TSPAN7: variants seen among roughly 807,000 people sequenced by gnomAD.
TSPAN7 encodes tetraspanin 7, also known as tetraspanin-7.
Under a neutral mutation model 17.6 loss-of-function variants are expected in TSPAN7, and 1 was observed. That is an observed-to-expected ratio of 0.06 (90% CI 0.02 to 0.27). TSPAN7 has a LOEUF of 0.27. Among genes scored for constraint, TSPAN7 ranks in the 10% least tolerant of loss-of-function variants. The pLI is 1.00. For missense variants in TSPAN7, 112 were observed against 201.7 expected (o/e 0.56, Z 2.69); for synonymous variants, 78 against 79.0 (o/e 0.99, Z 0.07).
At chrX:38,565,753 T>C (rs1298969639) in intron 1 of TSPAN7, among the ~76,000 whole-genome samples, 1 of 112,010 alleles carries the variant, frequency 8.9e-6, no homozygotes, top group Non-Finnish European at 1.9e-5. Flanking sequence ...AAAGAGAGAT[T>C]ATTGTTTTAT....
intron 6 of TSPAN7, among the ~76,000 whole-genome samples, chrX:38,682,341 C>T (rs922300698): frequency 8.9e-6 from 1 of 112,026 alleles, no homozygotes; most frequent in African/African-American, 3.2e-5. Flanking sequence ...AATTTTATTC[C>T]AGTTTGTTCC....
At position 38,687,935 on chromosome X, in the gene TSPAN7, T is replaced by C. The variant is rs748588376; in HGVS notation, c.*8-4T>C. ...TCACTCACATGTTCTCATTTCTCTCTTAGTCTTTCAAGAATGACGGAATAA... is the reference window on the plus strand; with the variant it reads ...TCACTCACATGTTCTCATTTCTCTCCTAGTCTTTCAAGAATGACGGAATAA... On this transcript the variant is annotated splice_polypyrimidine_tract_variant and splice_region_variant and intron_variant, in intron 7 of 7. Transcript: ENST00000378482. 2.1e-5 allele frequency: 6 copies of C among 282,164 alleles called. No homozygotes were observed. The highest frequency in any genetic ancestry group is 3.1e-5 in the Non-Finnish European group (5 of 161,165). The allele number at this position is 282,164 out of a possible 1,213,427, so 23.3% of individuals were successfully genotyped here. A position where few individuals can be genotyped will look rare whatever the true frequency, so the allele number is the denominator to read the frequency against.
chrX:38,652,388 A>G (rs1327903786), intron 1 of TSPAN7, among the ~76,000 whole-genome samples: 2 of 111,841 alleles, frequency 1.8e-5, no homozygotes, highest in Non-Finnish European at 3.8e-5. Context: ...TTGCATCCAG[A>G]GTCTCTATGG....
chrX:38,591,885 T>A (rs367555923), intron 1 of TSPAN7, among the ~76,000 whole-genome samples: 4 of 112,276 alleles, frequency 3.6e-5, no homozygotes, highest in African/African-American at 1.3e-4. Context: ...GTTATCGCAC[T>A]GCTATAAAGA....
chrX:38,654,763 T>C (rs770205306), intron 1 of TSPAN7, among the ~76,000 whole-genome samples: 2 of 112,461 alleles, frequency 1.8e-5, no homozygotes, highest in South Asian at 7.3e-4. Flanking sequence ...CTCACAGAAC[T>C]TAACATTCAT....
chrX:38,594,834 GT>G (rs1190225455), intron 1 of TSPAN7, among the ~76,000 whole-genome samples: 1 of 111,783 alleles, frequency 8.9e-6, no homozygotes, highest in Non-Finnish European at 1.9e-5. Flanking sequence ...ATCGCTCAGA[GT>G]TACCATTTTG....
intron 1 of TSPAN7, among the ~76,000 whole-genome samples, chrX:38,591,413 A>T (rs757407329): frequency 1.1e-4 from 12 of 111,749 alleles, no homozygotes; most frequent in Non-Finnish European, 2.3e-4. Flanking sequence ...TGAATCCTTT[A>T]CAGATTTATT....
At chrX:38,636,021 C>A (rs780651110) in intron 1 of TSPAN7, among the ~76,000 whole-genome samples, 1 of 111,148 alleles carries the variant, frequency 9.0e-6, no homozygotes, top group East Asian at 2.8e-4. Context: ...AAAAGTCCTT[C>A]TTTGTAGCCC....
chrX:38,662,954 G>A (rs1219702242), intron 1 of TSPAN7, among the ~76,000 whole-genome samples: 2 of 110,102 alleles, frequency 1.8e-5, no homozygotes, highest in African/African-American at 6.6e-5. Flanking sequence ...CATGCAATAT[G>A]GTGTTCATAG....
At chrX:38,674,665 G>A (rs368942131) in intron 4 of TSPAN7, among the ~76,000 whole-genome samples, 2 of 111,696 alleles carry the variant, frequency 1.8e-5, no homozygotes, top group African/African-American at 6.5e-5. Flanking sequence ...TTCTGGAATC[G>A]ATGTCTTCAG....
intron 1 of TSPAN7, among the ~76,000 whole-genome samples, chrX:38,650,318 T>C (rs749297856): frequency 5.4e-5 from 6 of 112,034 alleles, no homozygotes; most frequent in Non-Finnish European, 1.1e-4. Flanking sequence ...CGAGGCAAAA[T>C]GAGTTGAGAG....
intron 1 of TSPAN7, among the ~76,000 whole-genome samples, chrX:38,641,349 G>A (rs1466357984): frequency 8.9e-6 from 1 of 112,209 alleles, no homozygotes; most frequent in African/African-American, 3.2e-5. Flanking sequence ...GGGAAGGCAT[G>A]TATGTTGTTC....
chrX:38,588,520 C>T, intron 1 of TSPAN7, among the ~76,000 whole-genome samples: 1 of 111,842 alleles, frequency 8.9e-6, no homozygotes, highest in Non-Finnish European at 1.9e-5. Context: ...GTTTTCTTCT[C>T]TTAGCCTTAT....
At chrX:38,616,265 T>A (rs2069455200) in intron 1 of TSPAN7, among the ~76,000 whole-genome samples, 1 of 112,106 alleles carries the variant, frequency 8.9e-6, no homozygotes, top group South Asian at 3.7e-4. Flanking sequence ...ACTTTACAGA[T>A]GAGAAAACTG....
At chrX:38,658,170 G>A (rs1039417965) in intron 1 of TSPAN7, among the ~76,000 whole-genome samples, 1 of 110,833 alleles carries the variant, frequency 9.0e-6, no homozygotes, top group Non-Finnish European at 1.9e-5. Context: ...TTGTGCTGGT[G>A]TTTTGTTTCC....
chrX:38,591,008 G>A (rs763294361), intron 1 of TSPAN7, among the ~76,000 whole-genome samples: 91 of 110,230 alleles, frequency 8.3e-4, no homozygotes, highest in Non-Finnish European at 1.5e-3. Context: ...TTTCTTTCTT[G>A]TTCTTTCATT....
At chrX:38,595,183 C>G (rs940883918) in intron 1 of TSPAN7, among the ~76,000 whole-genome samples, 1 of 111,388 alleles carries the variant, frequency 9.0e-6, no homozygotes, top group Non-Finnish European at 1.9e-5. Flanking sequence ...CCTCCATTTG[C>G]TTGAAGAATT....
intron 6 of TSPAN7, among the ~76,000 whole-genome samples, chrX:38,685,428 C>T (rs1320971868): frequency 1.8e-5 from 2 of 111,388 alleles, no homozygotes; most frequent in East Asian, 5.6e-4. Flanking sequence ...AAGACCAGCC[C>T]GGTCAACATG....
chrX:38,624,732 T>C (rs981186591), intron 1 of TSPAN7, among the ~76,000 whole-genome samples: 3 of 112,717 alleles, frequency 2.7e-5, no homozygotes, highest in Non-Finnish European at 5.6e-5. Context: ...AAAGACAATA[T>C]TGAATATTCC....
Sources: gnomAD v4.1 joint callset for allele counts (sites outside exome capture counted in the v4.1 genomes callset) on GRCh38, gnomAD v4.1.1 for gene constraint, MANE v1.5 for transcripts, NCBI Gene and HGNC (gene_info 2026-07-23, HGNC 2026-07-21) for gene names.